SLC35A1: variants seen among roughly 807,000 people sequenced by gnomAD.
The protein encoded by SLC35A1 is solute carrier family 35 member A1, also known as CMP-sialic acid transporter.
In SLC35A1, 21 loss-of-function variants were observed where a neutral mutation model predicts 40.3. The ratio of observed to expected loss-of-function variants is 0.52; its 90% CI spans 0.37 to 0.75. The LOEUF is 0.75. SLC35A1 is among the 30% of genes least tolerant of loss of function. SLC35A1 has a pLI of 0.00. For synonymous variants in SLC35A1, 146 were observed against 147.3 expected (o/e 0.99, Z 0.06); for missense variants, 297 against 382.1 (o/e 0.78, Z 1.86).
intron 7 of SLC35A1, 45 bp from the exon 8 acceptor site, chr6:87,511,354 T>G (rs201517874): frequency 1.2e-6 from 2 of 1,608,536 alleles, no homozygotes; most frequent in Non-Finnish European, 1.7e-6. Context: ...TTAGGCATTT[T>G]AAAGACACAC....
intron 2 of SLC35A1, among the ~76,000 whole-genome samples, chr6:87,487,745 T>C (rs1231238385): frequency 3.3e-5 from 5 of 152,214 alleles, no homozygotes; most frequent in Non-Finnish European, 7.3e-5. Context: ...CTGAATAGAT[T>C]GCACTTGTTT....
chr6:87,496,791 A>AAAAAC lies in SLC35A1; in HGVS notation c.195-3714_195-3713insACAAA, dbSNP rs10658623. ...CTAGACTCCATCTCAAAAAAAAAAA[A>AAAAAC]AAAGAAAAACCCACCAAAACAGAAA... On this transcript the variant is annotated intron_variant, in intron 2 of 7. Transcript: ENST00000369552. Among the ~76,000 whole-genome samples, 1,289 of 139,202 alleles carry AAAAAC rather than the reference A, an allele frequency of 9.3e-3. 51 individuals are homozygous for AAAAAC. Among genetic ancestry groups the AAAAAC allele is most frequent in the African/African-American group, 0.024 (885 of 36,940 alleles). The allele number at this position is 139,202 out of a possible 152,430, so 91.3% of individuals were successfully genotyped here. A position where few individuals can be genotyped will look rare whatever the true frequency, so the allele number is the denominator to read the frequency against.
intron 2 of SLC35A1, among the ~76,000 whole-genome samples, chr6:87,479,181 C>T (rs1374621657): frequency 6.6e-6 from 1 of 152,248 alleles, no homozygotes; most frequent in Non-Finnish European, 1.5e-5. Context: ...GAACTCATAT[C>T]TAACAATCCC....
rs886061816 is a variant in SLC35A1 at position 87,511,662 on chromosome 6, CAACA to C, written c.*144_*147del. 1.4e-4 allele frequency: 134 copies of C among 966,200 alleles called. No individual in the cohort carries two copies. Among genetic ancestry groups the C allele is most frequent in the Non-Finnish European group, 2.0e-4 (121 of 601,578 alleles). 59.9% of individuals were successfully genotyped at this position (966,200 alleles called of 1,614,324 possible). A position where few individuals can be genotyped will look rare whatever the true frequency, so the allele number is the denominator to read the frequency against. ...GATCAGTGCGGTTATGTGGAAACAA[CAACA>C]AACAAACGAAGCTATCTGAGTGAAC... On this transcript the variant is annotated 3_prime_UTR_variant, in exon 8 of 8. Transcript: ENST00000369552.
At chr6:87,482,118 C>T (rs1242494609) in intron 2 of SLC35A1, among the ~76,000 whole-genome samples, 4 of 152,122 alleles carry the variant, frequency 2.6e-5, no homozygotes, top group Admixed American at 6.5e-5. Flanking sequence ...TCATGACTTT[C>T]GCAATCTTCG....
intron 4 of SLC35A1, among the ~76,000 whole-genome samples, chr6:87,503,255 A>C (rs372018082): frequency 1.3e-5 from 2 of 152,180 alleles, no homozygotes; most frequent in East Asian, 1.9e-4. Context: ...TTGAGGTTGC[A>C]GTCAAGATAC....
At chr6:87,473,571 A>G (rs779312632) in intron 1 of SLC35A1, among the ~76,000 whole-genome samples, 2 of 152,170 alleles carry the variant, frequency 1.3e-5, no homozygotes, top group Non-Finnish European at 2.9e-5. Flanking sequence ...ACAGTCGTTA[A>G]CAGTTCCCAC....
intron 2 of SLC35A1, among the ~76,000 whole-genome samples, chr6:87,498,599 C>T (rs777822817): frequency 3.9e-5 from 6 of 151,992 alleles, no homozygotes; most frequent in Non-Finnish European, 5.9e-5. Context: ...ATGGAAACCC[C>T]GTCTCTACCA....
At chr6:87,479,212 C>T (rs1769177032) in intron 2 of SLC35A1, among the ~76,000 whole-genome samples, 1 of 152,198 alleles carries the variant, frequency 6.6e-6, no homozygotes, top group African/African-American at 2.4e-5. Context: ...ATTTTCCTTA[C>T]ACCTCTTTCT....
At chr6:87,504,080 A>G (rs1240421054) in intron 4 of SLC35A1, among the ~76,000 whole-genome samples, 1 of 152,152 alleles carries the variant, frequency 6.6e-6, no homozygotes, top group Non-Finnish European at 1.5e-5. Context: ...GCTTGAGCCC[A>G]GGAGTTCAAG....
intron 3 of SLC35A1, among the ~76,000 whole-genome samples, 184 bp downstream of exon 3, chr6:87,500,851 G>A (rs1293970904): frequency 6.6e-6 from 1 of 151,546 alleles, no homozygotes; most frequent in African/African-American, 2.4e-5. Context: ...AGGTTCAAGC[G>A]ATTCTCCTGC....
intron 2 of SLC35A1, chr6:87,496,031 T>C (rs1769716334): frequency 6.6e-6 from 1 of 152,242 alleles, no homozygotes; most frequent in African/African-American, 2.4e-5. Flanking sequence ...AATTTAACTT[T>C]CTTAAGCTCA....
intron 2 of SLC35A1, chr6:87,496,041 A>G (rs1769716491): frequency 6.6e-6 from 1 of 152,258 alleles, no homozygotes; most frequent in South Asian, 2.1e-4. Flanking sequence ...TCTTAAGCTC[A>G]TGAGTAACTT....
At chr6:87,473,058 G>A (rs531966455) in intron 1 of SLC35A1, 39 bp downstream of exon 1, 1 of 481,146 alleles carries the variant, frequency 2.1e-6, no homozygotes, top group Non-Finnish European at 3.5e-6. Flanking sequence ...AGTCCGCGGG[G>A]GGCGGCGGCG....
rs747644865 is a variant in SLC35A1, at chr6:87,511,379, ATTTTTT to A, written c.887-14_887-9del. ...TAAAGACACACATACAGATAAAGCT[ATTTTTT>A]TTTTTCTTTTCAGCACTCACCTTTG... On this transcript the variant is annotated splice_polypyrimidine_tract_variant and intron_variant, in intron 7 of 7. Coordinates refer to ENST00000369552, the MANE Select transcript of SLC35A1 (RefSeq NM_006416.5). The A allele has an allele frequency of 1.2e-5, 15 of 1,297,726 alleles. No individual in the cohort carries two copies. Among genetic ancestry groups the A allele is most frequent in the Non-Finnish European group, 1.5e-5 (14 of 934,916 alleles). 80.4% of individuals were successfully genotyped at this position (1,297,726 alleles called of 1,614,324 possible).
At chr6:87,473,952 G>GT (rs147619791) in intron 1 of SLC35A1, among the ~76,000 whole-genome samples, 284 of 152,346 alleles carry the variant, frequency 1.9e-3, no homozygotes, top group African/African-American at 6.6e-3. Context: ...CGGGGTCCAT[G>GT]TTTCTCATCA....
chr6:87,484,895 C>T (rs1769351997), intron 2 of SLC35A1, among the ~76,000 whole-genome samples: 2 of 152,200 alleles, frequency 1.3e-5, no homozygotes, highest in African/African-American at 4.8e-5. Context: ...CATGGCCAGA[C>T]TGTGGGCCAT....
At chr6:87,487,234 A>G (rs1769416805) in intron 2 of SLC35A1, among the ~76,000 whole-genome samples, 1 of 152,152 alleles carries the variant, frequency 6.6e-6, no homozygotes, top group Non-Finnish European at 1.5e-5. Context: ...CTAACATAGA[A>G]CCCATGTTGA....
intron 1 of SLC35A1, among the ~76,000 whole-genome samples, chr6:87,476,390 A>G (rs1466661946): frequency 6.6e-6 from 1 of 152,144 alleles, no homozygotes; most frequent in Non-Finnish European, 1.5e-5. Context: ...AGTTGGTTTC[A>G]TGCTTTGCAT....
Sources: allele counts gnomAD v4.1 joint callset (sites outside exome capture counted in the v4.1 genomes callset), GRCh38; gene constraint gnomAD v4.1.1; transcripts MANE v1.5; gene names NCBI Gene and HGNC (gene_info 2026-07-23, HGNC 2026-07-21).